Variants in GEMIN5 observed in about 807,000 individuals in gnomAD.
GEMIN5 encodes gem-associated protein 5.
In GEMIN5, 124 loss-of-function variants were observed where a neutral mutation model predicts 176.9. That is an observed-to-expected ratio of 0.70 (90% CI 0.61 to 0.81). GEMIN5 has a LOEUF of 0.81. Ranked by LOEUF, GEMIN5 falls within the 40% of genes least tolerant of loss-of-function variation. The pLI is 0.00. For synonymous variants in GEMIN5, 673 were observed against 665.2 expected, an observed-to-expected ratio of 1.01 and a Z score of -0.18; for missense variants, 1,843 against 1,814.6, an observed-to-expected ratio of 1.02 and a Z score of -0.28.
At position 154,896,191 on chromosome 5, in the gene GEMIN5, G is replaced by A; in HGVS notation, c.3498C>T (p.Ser1166=). 1 of 1,613,986 alleles carries A rather than the reference G, an allele frequency of 6.2e-7. No homozygotes were observed. Among genetic ancestry groups the A allele is most frequent in the South Asian group, 1.1e-5 (1 of 91,038 alleles). The change falls in exon 24 of 28, where the codon AGC becomes AGT. Residue 1166 remains serine (S), a synonymous_variant. Transcript: ENST00000285873. ...GCTCAGGGGTGTCAAGGCTGAAGAT[G>A]CTCTTCCACACTGCAGTCACCCTCT... ...FVERVTAVWK[S]IFSLDTPEQY... is the part of the protein sequence containing the mutation.
chr5:154,901,390 A>T lies in GEMIN5; in HGVS notation c.2963T>A (p.Ile988Asn). The change falls in exon 21 of 28, where the codon ATC (isoleucine) becomes AAC (asparagine). Residue 988 changes from isoleucine to asparagine, a missense_variant. Coordinates refer to ENST00000285873, the MANE Select transcript of GEMIN5 (RefSeq NM_015465.5). ...CTCCACCGCTTCATACACTTTGTGGATGGAAAGTAGGTGAGAAGCAGCCTT... is the reference window on the plus strand; with the variant it reads ...CTCCACCGCTTCATACACTTTGTGGTTGGAAAGTAGGTGAGAAGCAGCCTT... ...YVKAASHLLSIHKVYEAVELL... is the reference protein window; with the variant it reads ...YVKAASHLLSNHKVYEAVELL... 3 of 1,614,146 alleles carry T rather than the reference A, an allele frequency of 1.9e-6. No individual in the cohort carries two copies. Among genetic ancestry groups the T allele is most frequent in the Non-Finnish European group, 2.5e-6 (3 of 1,179,982 alleles).
chr5:154,920,180 AC>A, intron 10 of GEMIN5, 77 bp from the exon 11 acceptor site: 1 of 1,088,362 alleles, frequency 9.2e-7, no homozygotes, highest in Non-Finnish European at 1.3e-6. Flanking sequence ...GTATGACCAT[AC>A]CATACTACAT....
rs149469432 is a variant in GEMIN5, at chr5:154,935,791, C to T, written c.509+50G>A. ...CAGAGAAGGTAAAGAAAATGCAAAA[C>T]ACGATCATAAACAAACAAAAATCAT... On this transcript the variant is annotated intron_variant, in intron 3 of 27. Transcript: ENST00000285873. 3.0e-6 allele frequency: 4 copies of T among 1,337,858 alleles called. No individual in the cohort carries two copies. The Admixed American group carries it at 7.8e-5, about 26-fold the overall frequency. The allele number at this position is 1,337,858 out of a possible 1,614,324, so 82.9% of individuals were successfully genotyped here.
At position 154,898,551 on chromosome 5, in the gene GEMIN5, T is replaced by A. The variant is rs947265878; in HGVS notation, c.3234A>T (p.Val1078=). The A allele has an allele frequency of 1.2e-6, 2 of 1,614,056 alleles. No homozygotes were observed. The highest frequency in any genetic ancestry group is 1.7e-6 in the Non-Finnish European group (2 of 1,180,016). ...GGGAAGCAGACAACTCATCCTCTCC[T>A]ACGATGGCAGCCAACTCTGCAGCCG... The part of the protein sequence containing the change: ...LRTAAELAAI[V]GEDELSASLA... The change falls in exon 23 of 28, where the codon GTA becomes GTT. Residue 1078 remains valine, a synonymous_variant. Coordinates refer to ENST00000285873, the MANE Select transcript of GEMIN5 (RefSeq NM_015465.5).
At position 154,891,748 on chromosome 5, in the gene GEMIN5, A is replaced by G. The variant is rs1763233615; in HGVS notation, c.3761-6T>C. The G allele has an allele frequency of 6.4e-7, 1 of 1,565,360 alleles. No homozygotes were observed. ...GTCTCTTAGGTGGTCACAGCCTAGG[A>G]AAAGAGGAAAAAGATACTGGGTCAT... On this transcript the variant is annotated splice_region_variant and splice_polypyrimidine_tract_variant and intron_variant, in intron 25 of 27. Transcript: ENST00000285873.
At chr5:154,905,279 C>T (rs1446977763) in intron 17 of GEMIN5, 84 bp downstream of exon 17, 9 of 600,196 alleles carry the variant, frequency 1.5e-5, no homozygotes, top group African/African-American at 9.6e-5. Context: ...AGAAACCACA[C>T]TGTTTTTTGA....
At chr5:154,898,314 G>T in intron 23 of GEMIN5, 126 bp downstream of exon 23, 2 of 775,862 alleles carry the variant, frequency 2.6e-6, no homozygotes, top group African/African-American at 1.7e-5. Flanking sequence ...GGATAGCATG[G>T]CCAGGGCTTG....
intron 24 of GEMIN5, among the ~76,000 whole-genome samples, chr5:154,895,044 A>AC (rs752525804): frequency 0.098 from 14,973 of 152,164 alleles, 840 homozygotes; most frequent in Admixed American, 0.15. Context: ...ATGCCACTGT[A>AC]CTCCAGCCTG....
intron 24 of GEMIN5, among the ~76,000 whole-genome samples, chr5:154,895,738 T>C (rs1763334547): frequency 6.6e-6 from 1 of 152,068 alleles, no homozygotes. Context: ...GAAAAGGAAA[T>C]AGTGGCTGGG....
rs774742691 is a variant in GEMIN5 at position 154,931,534 on chromosome 5, T to C, written c.705A>G (p.Pro235=). 4 of 1,612,432 alleles carry C rather than the reference T, an allele frequency of 2.5e-6. No individual in the cohort carries two copies. Among genetic ancestry groups the C allele is most frequent in the African/African-American group, 1.3e-5 (1 of 74,928 alleles). Residue 235 remains proline, a synonymous_variant, in exon 5 of 28, where the codon CCA becomes CCG. Transcript: ENST00000285873. ...ITNGNAVAQA[P]VTKGCYLATG... is the part of the protein sequence containing the mutation. ...TGGCTAAGTAGCAACCTTTTGTTACTGGAGCTTGTGCTACAGCATTCCCGT... is the reference window on the plus strand; with the variant it reads ...TGGCTAAGTAGCAACCTTTTGTTACCGGAGCTTGTGCTACAGCATTCCCGT...
Position 154,891,654 on chromosome 5 carries a change from C to T in GEMIN5, c.3849G>A (p.Gly1283=), listed in dbSNP as rs771074216. ...GAGACCACCAGAATTCATACAGACGCCCATAAAGAAAAAAGGCCTCCAAAC... is the reference window on the plus strand; with the variant it reads ...GAGACCACCAGAATTCATACAGACGTCCATAAAGAAAAAAGGCCTCCAAAC... ...FKSLEAFFLY[G]RLYEFWWSLS... is the part of the protein sequence containing the mutation. The change falls in exon 26 of 28, where the codon GGG becomes GGA. Residue 1283 remains glycine (G), a synonymous_variant. Transcript: ENST00000285873. 2.4e-5 allele frequency: 39 copies of T among 1,613,392 alleles called. No homozygotes were observed. Among genetic ancestry groups the T allele is most frequent in the Non-Finnish European group, 3.3e-5 (39 of 1,179,850 alleles).
At chr5:154,935,734 C>A in intron 3 of GEMIN5, 107 bp downstream of exon 3, 1 of 750,740 alleles carries the variant, frequency 1.3e-6, no homozygotes, top group Non-Finnish European at 2.2e-6. Context: ...TGGTTAACAT[C>A]TGTAGATGGT....
intron 18 of GEMIN5, 99 bp downstream of exon 18, chr5:154,904,408 T>G: frequency 9.5e-7 from 1 of 1,054,076 alleles, no homozygotes; most frequent in Non-Finnish European, 1.4e-6. Context: ...GAAAACAATT[T>G]AGACATTTCT....
chr5:154,902,732 T>C (rs540432802), intron 19 of GEMIN5, 56 bp from the exon 20 acceptor site: 158 of 1,565,950 alleles, frequency 1.0e-4, no homozygotes, highest in Admixed American at 1.2e-4. Flanking sequence ...TGTTACTGAC[T>C]TGTAGGAAAA....
intron 6 of GEMIN5, among the ~76,000 whole-genome samples, chr5:154,927,894 G>A (rs1372142444): frequency 6.6e-6 from 1 of 152,108 alleles, no homozygotes; most frequent in African/African-American, 2.4e-5. Context: ...GGGAGGCTGA[G>A]GTGGGAGAAT....
At chr5:154,925,128 CAAAT>C (rs74850514) in intron 8 of GEMIN5, among the ~76,000 whole-genome samples, 5,038 of 151,396 alleles carry the variant, frequency 0.033, 110 homozygotes, top group Non-Finnish European at 0.052. Flanking sequence ...TTGAAAAAAA[CAAAT>C]GAGTTCAAAT....
intron 13 of GEMIN5, among the ~76,000 whole-genome samples, chr5:154,915,380 A>G (rs1442125608): frequency 1.3e-5 from 2 of 152,172 alleles, no homozygotes; most frequent in Admixed American, 6.5e-5. Context: ...TAATTTCTTC[A>G]TATTAGGAAA....
intron 11 of GEMIN5, 69 bp downstream of exon 11, chr5:154,919,898 T>A (rs1005036985): frequency 5.8e-6 from 8 of 1,379,362 alleles, no homozygotes; most frequent in Non-Finnish European, 8.1e-6. Context: ...AGCATTTATT[T>A]TGCAAGATGG....
At chr5:154,913,270 A>G (rs1165840298) in intron 13 of GEMIN5, among the ~76,000 whole-genome samples, 1 of 152,058 alleles carries the variant, frequency 6.6e-6, no homozygotes, top group Non-Finnish European at 1.5e-5. Flanking sequence ...GGTTCAAGCG[A>G]TTCTCCTGCC....
Sources: gnomAD v4.1 joint callset for allele counts (sites outside exome capture counted in the v4.1 genomes callset) on GRCh38, gnomAD v4.1.1 for gene constraint, MANE v1.5 for transcripts, NCBI Gene and HGNC (gene_info 2026-07-23, HGNC 2026-07-21) for gene names.